Variants in PHF19 observed in about 807,000 individuals in gnomAD.
PHF19 encodes polycomb like 3.
In PHF19, 21 loss-of-function variants were observed where a neutral mutation model predicts 79.8. That is an observed-to-expected ratio of 0.26 (90% confidence interval 0.19 to 0.38). PHF19 has a LOEUF of 0.38. Among genes scored for constraint, PHF19 ranks in the 10% least tolerant of loss-of-function variants. The pLI, the probability that PHF19 is intolerant of heterozygous loss-of-function variation, is 1.00. For synonymous variants in PHF19, 273 were observed against 296.3 expected, an observed-to-expected ratio of 0.92 and a Z score of 0.81; for missense variants, 445 against 744.2, an observed-to-expected ratio of 0.60 and a Z score of 4.68.
At chr9:120,878,185 C>G (rs2046119832), upstream of PHF19, among the ~76,000 whole-genome samples, 2 of 152,242 alleles carry the variant, frequency 1.3e-5, no homozygotes, top group Admixed American at 6.5e-5. Context: ...CACAGAAATA[C>G]ATGGTACAAT....
At chr9:120,885,395 T>G (rs2046248419) in intron 1 of PHF19, among the ~76,000 whole-genome samples, 1 of 152,032 alleles carries the variant, frequency 6.6e-6, no homozygotes, top group Non-Finnish European at 1.5e-5. Flanking sequence ...CTGGCCAACA[T>G]GGTGAAACCT....
rs377358299 is a variant in PHF19 at position 120,870,573 on chromosome 9, C to T, written c.269-35G>A. The T allele has an allele frequency of 1.2e-5, 15 of 1,258,794 alleles. No individual in the cohort carries two copies. The highest frequency in any genetic ancestry group is 1.7e-5 in the Admixed American group (1 of 59,486). The allele number at this position is 1,258,794 out of a possible 1,614,324, so 78.0% of individuals were successfully genotyped here. ...AGGGCCTCGAGGGTCGGGTCCAGCT[C>T]ACAGGAATGGAAGTTTTATACTCAC... is the stretch of plus-strand genomic sequence containing the variant. On this transcript the variant is annotated intron_variant, in intron 3 of 14. Transcript: ENST00000373896. The surrounding 1 kb of genome is among the most constrained non-coding windows in gnomAD (Gnocchi z 4.4).
chr9:120,888,973 A>G (rs1175062094), intron 1 of PHF19, among the ~76,000 whole-genome samples: 4 of 152,142 alleles, frequency 2.6e-5, no homozygotes, highest in Admixed American at 2.6e-4. Flanking sequence ...CTCCACTAGG[A>G]TTTCACAGTG....
chr9:120,884,949 C>T (rs2046242685), intron 1 of PHF19, among the ~76,000 whole-genome samples: 1 of 151,916 alleles, frequency 6.6e-6, no homozygotes, highest in Admixed American at 6.6e-5. Context: ...AAAGCCAATA[C>T]CAGCCACTCA....
At chr9:120,877,899 A>G (rs2046113053), upstream of PHF19, among the ~76,000 whole-genome samples, 2 of 152,234 alleles carry the variant, frequency 1.3e-5, no homozygotes, top group Non-Finnish European at 2.9e-5. Flanking sequence ...CACACTGTAC[A>G]CAACAGAGAC....
intron 1 of PHF19, among the ~76,000 whole-genome samples, chr9:120,885,435 G>A (rs2046249198): frequency 6.6e-6 from 1 of 152,066 alleles, no homozygotes; most frequent in South Asian, 2.1e-4. Flanking sequence ...AAAATGAGCT[G>A]GGCATGGTGA....
At chr9:120,882,218 T>C (rs1011408700) in intron 1 of PHF19, among the ~76,000 whole-genome samples, 2 of 152,168 alleles carry the variant, frequency 1.3e-5, no homozygotes, top group African/African-American at 4.8e-5. Flanking sequence ...TGCTCAGCAG[T>C]GTCTCAGTAC....
intron 3 of PHF19, among the ~76,000 whole-genome samples, chr9:120,871,198 C>T (rs1351842871): frequency 6.6e-6 from 1 of 152,172 alleles, no homozygotes; most frequent in Non-Finnish European, 1.5e-5. Flanking sequence ...CCACTGTGCC[C>T]AGCCTAGAAG....
chr9:120,865,679 C>T (rs754703839), intron 9 of PHF19, 31 bp downstream of exon 9: 1 of 1,613,662 alleles, frequency 6.2e-7, no homozygotes, highest in Admixed American at 1.7e-5. Context: ...CTCTCTGCCT[C>T]CTGCCACTGA....
chr9:120,864,415 C>T (rs1288339603), intron 9 of PHF19, among the ~76,000 whole-genome samples: 3 of 146,688 alleles, frequency 2.0e-5, no homozygotes, highest in African/African-American at 7.7e-5. Context: ...AGATATAACA[C>T]GAAATAGGAA....
At position 120,857,722 on chromosome 9, in the gene PHF19, C is replaced by A. The variant is rs534781019; in HGVS notation, c.*222G>T. 3 of 501,930 alleles carry A rather than the reference C, an allele frequency of 6.0e-6. No homozygotes were observed. The highest frequency in any genetic ancestry group is 5.9e-5 in the African/African-American group (3 of 51,234). The allele number at this position is 501,930 out of a possible 1,614,324, so 31.1% of individuals were successfully genotyped here. A position where few individuals can be genotyped will look rare whatever the true frequency, so the allele number is the denominator to read the frequency against. ...AGGGGGTGTGGAGTGTGTAGAGACA[C>A]AGGCACAGGGGTAACGAGCCTGAGG... On this transcript the variant is annotated 3_prime_UTR_variant, in exon 15 of 15. Coordinates refer to ENST00000373896, the MANE Select transcript of PHF19 (RefSeq NM_015651.3).
At chr9:120,900,662 G>T in the PHF19 span, among the ~76,000 whole-genome samples, 1 of 152,138 alleles carries the variant, frequency 6.6e-6, no homozygotes, top group Non-Finnish European at 1.5e-5. Context: ...CAACTCCTGG[G>T]CTCAAGGGAT....
chr9:120,872,185 G>A lies in PHF19; in HGVS notation c.269-1647C>T, dbSNP rs1588117131. ...GGCAGGAACGTTGCCTCCTATTCTT[G>A]AACATGCTCCCAGGAAGGTGGTGCC... On this transcript the variant is annotated intron_variant, in intron 3 of 14. Transcript: ENST00000373896. Among the ~76,000 whole-genome samples the A allele has an allele frequency of 4.0e-5, 6 of 151,292 alleles. No individual in the cohort carries two copies. In the South Asian group the frequency reaches 1.3e-3, roughly 32 times the overall value.
At chr9:120,895,442 G>A (rs1277667767), upstream of PHF19, among the ~76,000 whole-genome samples, 4 of 149,338 alleles carry the variant, frequency 2.7e-5, no homozygotes, top group Non-Finnish European at 5.9e-5. Context: ...ATATGCCAGG[G>A]TGACAAAGAG....
rs182843850 is a variant in PHF19 at position 120,886,558 on chromosome 9, C to T, written c.42+8230G>A. ...GAGTCATTTATTCACTCATCCTTCA[C>T]GGCTAACCACAGCATTTAGCCATGC... is the stretch of plus-strand genomic sequence containing the variant. On this transcript the variant is annotated intron_variant, in intron 1 of 14. Coordinates refer to the PHF19 transcript ENST00000616568. Among the ~76,000 whole-genome samples, 151 of 152,346 alleles carry T rather than the reference C, an allele frequency of 9.9e-4. 3 individuals are homozygous for T. The highest frequency in any genetic ancestry group is 9.5e-3 in the Admixed American group (146 of 15,306).
chr9:120,890,717 G>A (rs946882475), intron 1 of PHF19, among the ~76,000 whole-genome samples: 1 of 152,134 alleles, frequency 6.6e-6, no homozygotes, highest in African/African-American at 2.4e-5. Flanking sequence ...TCATCAGAAT[G>A]TCAGCTCTCC....
chr9:120,894,929 C>G (rs777200591), upstream of PHF19: 44 of 535,800 alleles, frequency 8.2e-5, no homozygotes, highest in Non-Finnish European at 1.1e-4. Flanking sequence ...CCTTAAATAA[C>G]CCAGCACACA....
intron 1 of PHF19, among the ~76,000 whole-genome samples, chr9:120,887,811 G>A (rs1463390897): frequency 1.3e-5 from 2 of 152,076 alleles, no homozygotes; most frequent in African/African-American, 4.8e-5. Flanking sequence ...TCCACTTACG[G>A]TATTGGAGAA....
chr9:120,869,061 G>GGCCCGCCCTCAAGGT lies in PHF19; in HGVS notation c.614+106_614+120dup, dbSNP rs1358820951. 9.2e-6 allele frequency: 10 copies of GGCCCGCCCTCAAGGT among 1,084,870 alleles called. No individual in the cohort carries two copies. The highest frequency in any genetic ancestry group is 6.7e-4 in the Middle Eastern group (2 of 2,986). The allele number at this position is 1,084,870 out of a possible 1,614,324, so 67.2% of individuals were successfully genotyped here. A position where few individuals can be genotyped will look rare whatever the true frequency, so the allele number is the denominator to read the frequency against. On this transcript the variant is annotated intron_variant, in intron 6 of 14. Coordinates refer to ENST00000373896, the MANE Select transcript of PHF19 (RefSeq NM_015651.3). The surrounding 1 kb of genome is among the most constrained non-coding windows in gnomAD (Gnocchi z 5.8). ...CCCGCCCCCACAGCGCAACACACTGGGCCCGCCCTCAAGGTCCCCGCCTTG... is the reference window on the plus strand; with the variant it reads ...CCCGCCCCCACAGCGCAACACACTGGGCCCGCCCTCAAGGTGCCCGCCCTCAAGGTCCCCGCCTTG...
Sources: gnomAD v4.1 joint callset for allele counts (sites outside exome capture counted in the v4.1 genomes callset) on GRCh38, gnomAD v4.1.1 for gene constraint, Gnocchi (gnomAD v3.1) non-coding constraint, MANE v1.5 for transcripts, NCBI Gene and HGNC (gene_info 2026-07-23, HGNC 2026-07-21) for gene names.